Variants in CACNA1H observed in about 807,000 individuals in gnomAD.
CACNA1H encodes the protein voltage-dependent T-type calcium channel subunit alpha-1H.
Under a neutral mutation model 192.5 loss-of-function variants are expected in CACNA1H, and 149 were observed. That is an observed-to-expected ratio of 0.77 (90% CI 0.68 to 0.89). CACNA1H has a LOEUF of 0.89. CACNA1H is among the 40% of genes least tolerant of loss of function. The probability of loss-of-function intolerance (pLI) is 0.00; values close to 1 mark genes in which losing one functional copy is unlikely to be tolerated. For missense variants in CACNA1H, 4,257 were observed against 3,423.5 expected (o/e 1.24, Z -6.08); for synonymous variants, 2,202 against 1,475.2 (o/e 1.49, Z -11.29).
intron 13 of CACNA1H, 62 bp downstream of exon 13, chr16:1,207,180 G>A: frequency 3.9e-6 from 6 of 1,548,112 alleles, no homozygotes; most frequent in Non-Finnish European, 5.3e-6. Context: ...AGAGGTGGAG[G>A]TGCCGTCCTG....
intron 2 of CACNA1H, among the ~76,000 whole-genome samples, chr16:1,189,480 G>A (rs1180435622): frequency 8.8e-5 from 12 of 136,934 alleles, no homozygotes; most frequent in Admixed American, 1.6e-4. Context: ...GCAGTGGCAC[G>A]ATCGTGGCTC....
In CACNA1H at chr16:1,211,313, C is replaced by T. The variant is rs974565083; in HGVS notation, c.4350+19C>T. ...TGTGCAGGTGTGTGGCCCCCACGTG[C>T]CCGGGGGTCTGCCCCGTCGCAGACA... On this transcript the variant is annotated intron_variant, in intron 22 of 34. Transcript: ENST00000348261. The T allele has an allele frequency of 1.2e-6, 2 of 1,612,528 alleles. No homozygotes were observed. The highest frequency in any genetic ancestry group is 1.3e-5 in the African/African-American group (1 of 74,920).
chr16:1,155,209 G>A (rs1006820442), intron 2 of CACNA1H, among the ~76,000 whole-genome samples: 1 of 152,220 alleles, frequency 6.6e-6, no homozygotes, highest in Non-Finnish European at 1.5e-5. Flanking sequence ...GCTTGTAGAG[G>A]AAGAGGAGGC....
At position 1,205,328 on chromosome 16, in the gene CACNA1H, C is replaced by A. The variant is rs111518379; in HGVS notation, c.2603+63C>A. On this transcript the variant is annotated intron_variant, in intron 11 of 34. Transcript: ENST00000348261. ...GAAGCTCCACTCTCTGGCAGAAATC[C>A]CACCTGCAGAGCAAAACCCAGAGCA... 106 of 1,508,110 alleles carry A rather than the reference C, an allele frequency of 7.0e-5. No individual in the cohort carries two copies. The Middle Eastern group carries it at 1.2e-3, about 17-fold the overall frequency. 93.4% of individuals were successfully genotyped at this position (1,508,110 alleles called of 1,614,324 possible). A position where few individuals can be genotyped will look rare whatever the true frequency, so the allele number is the denominator to read the frequency against.
intron 12 of CACNA1H, chr16:1,206,783 C>T (rs190749202): frequency 1.8e-4 from 96 of 541,646 alleles, no homozygotes; most frequent in African/African-American, 1.7e-3. Flanking sequence ...GGTCTTGGTT[C>T]TCTCGCCTGT....
rs1430401555 is a variant in CACNA1H at position 1,200,816 on chromosome 16, TGGGC to T, written c.1212+11_1212+14del. The T allele has an allele frequency of 6.5e-7, 1 of 1,548,988 alleles. No individual in the cohort carries two copies. Among genetic ancestry groups the T allele is most frequent in the Non-Finnish European group, 8.7e-7 (1 of 1,145,412 alleles). ...TTCATCCTGCTCATCATCGTGAGTG[TGGGC>T]GGCAGTGTTCGCCATGATGGGCCCT... On this transcript the variant is annotated intron_variant, in intron 8 of 34. Coordinates refer to ENST00000348261, the MANE Select transcript of CACNA1H (RefSeq NM_021098.3).
At chr16:1,169,212 A>T (rs1375417360) in intron 2 of CACNA1H, among the ~76,000 whole-genome samples, 1 of 150,172 alleles carries the variant, frequency 6.7e-6, no homozygotes, top group Non-Finnish European at 1.5e-5. Context: ...CTTAGCCTGG[A>T]ACGTGGACGT....
intron 2 of CACNA1H, among the ~76,000 whole-genome samples, chr16:1,189,249 C>T: frequency 6.6e-6 from 1 of 152,036 alleles, no homozygotes; most frequent in African/African-American, 2.4e-5. Context: ...TGGGTGCCAG[C>T]TGGGGAGGCC....
intron 6 of CACNA1H, among the ~76,000 whole-genome samples, chr16:1,199,269 AC>A (rs1269252022): frequency 5.0e-4 from 12 of 23,840 alleles, no homozygotes; most frequent in African/African-American, 8.8e-4. Context: ...CATATGCCCC[AC>A]CCCCCACCAT....
intron 2 of CACNA1H, among the ~76,000 whole-genome samples, chr16:1,163,898 G>T (rs1437205740): frequency 6.6e-6 from 1 of 152,212 alleles, no homozygotes; most frequent in Non-Finnish European, 1.5e-5. Context: ...CCACCTCGAA[G>T]GCCAGGTCTG....
At chr16:1,153,519 A>G (rs973799299) in intron 1 of CACNA1H, 49 bp downstream of exon 1, 6 of 280,186 alleles carry the variant, frequency 2.1e-5, no homozygotes, top group African/African-American at 1.3e-4. Flanking sequence ...AACTTGCGCG[A>G]AGCGGGCCGG....
At chr16:1,177,279 G>A (rs1964983054) in intron 2 of CACNA1H, among the ~76,000 whole-genome samples, 1 of 152,322 alleles carries the variant, frequency 6.6e-6, no homozygotes, top group African/African-American at 2.4e-5. Flanking sequence ...TCCAGGGCCG[G>A]GTCCCCTGCT....
chr16:1,207,880 G>T lies in CACNA1H; in HGVS notation c.3154+20G>T, dbSNP rs1179428088. 1 of 1,572,156 alleles carries T rather than the reference G, an allele frequency of 6.4e-7. No homozygotes were observed. The highest frequency in any genetic ancestry group is 1.4e-5 in the African/African-American group (1 of 73,770). ...CCACAGGTGCGTGTGGTCGGTGGGTGGTCCGGGTTCTGGCGGGTGGAGTAC... is the reference window on the plus strand; with the variant it reads ...CCACAGGTGCGTGTGGTCGGTGGGTTGTCCGGGTTCTGGCGGGTGGAGTAC... On this transcript the variant is annotated intron_variant, in intron 15 of 34. Coordinates refer to ENST00000348261, the MANE Select transcript of CACNA1H (RefSeq NM_021098.3).
intron 6 of CACNA1H, among the ~76,000 whole-genome samples, chr16:1,199,610 C>A (rs889861127): frequency 6.6e-6 from 1 of 151,050 alleles, no homozygotes; most frequent in Admixed American, 6.6e-5. Context: ...CCCAGGGTCT[C>A]CCCTCGGCCC....
Position 1,218,014 on chromosome 16 carries a change from G to A in CACNA1H, c.5419G>A (p.Gly1807Arg). Residue 1807 changes from glycine (G) to arginine (R), a missense_variant, in exon 32 of 35, where the codon GGG becomes AGG. Transcript: ENST00000348261. ...CCTCACGCTGTTCCGCGTGTCCACG[G>A]GGGACAACTGGAACGGGATCATGAA... ...AFLTLFRVST[G>R]DNWNGIMKDT... is the part of the protein sequence containing the mutation. 2 of 1,601,190 alleles carry A rather than the reference G, an allele frequency of 1.2e-6. No individual in the cohort carries two copies. The highest frequency in any genetic ancestry group is 1.7e-6 in the Non-Finnish European group (2 of 1,174,260).
intron 2 of CACNA1H, among the ~76,000 whole-genome samples, chr16:1,181,077 G>A (rs946513242): frequency 6.6e-6 from 1 of 152,232 alleles, no homozygotes; most frequent in Non-Finnish European, 1.5e-5. Flanking sequence ...CGCTCAGGCA[G>A]TTATTTCTGG....
intron 18 of CACNA1H, 64 bp from the exon 19 acceptor site, chr16:1,210,306 A>T: frequency 5.0e-6 from 7 of 1,405,460 alleles, no homozygotes; most frequent in Non-Finnish European, 6.8e-6. Flanking sequence ...CTGTCCTGCA[A>T]CCCCCATCCA....
At chr16:1,170,785 G>A (rs1596317355) in intron 2 of CACNA1H, among the ~76,000 whole-genome samples, 3 of 152,304 alleles carry the variant, frequency 2.0e-5, no homozygotes, top group Admixed American at 2.0e-4. Flanking sequence ...GCATGATGGG[G>A]CAGCTCCCCA....
chr16:1,199,806 G>A lies in CACNA1H; in HGVS notation c.804-450G>A, dbSNP rs116554842. On this transcript the variant is annotated intron_variant, in intron 6 of 34. Transcript: ENST00000348261. ...TCCTCTCAGCCCTCACCCCAGGGCT[G>A]CCTCCTTTCCCTCACCCCAGGCTTC... Among the ~76,000 whole-genome samples, 525 of 151,360 alleles carry A rather than the reference G, an allele frequency of 3.5e-3. 3 individuals are homozygous for A. Among genetic ancestry groups the A allele is most frequent in the African/African-American group, 0.012 (502 of 41,220 alleles).
Sources: gnomAD v4.1 joint callset for allele counts (sites outside exome capture counted in the v4.1 genomes callset) on GRCh38, gnomAD v4.1.1 for gene constraint, MANE v1.5 for transcripts, NCBI Gene and HGNC (gene_info 2026-07-23, HGNC 2026-07-21) for gene names.